The following NECAB1 variants were observed in gnomAD, a reference collection of about 807,000 sequenced individuals.
NECAB1 encodes N-terminal EF-hand calcium binding protein 1, also known as N-terminal EF-hand calcium-binding protein 1.
In NECAB1, 29 loss-of-function variants were observed where a neutral mutation model predicts 57.5. That is an observed-to-expected ratio of 0.50 (90% CI 0.38 to 0.69). The LOEUF is 0.69. Ranked by LOEUF, NECAB1 falls within the 30% of genes least tolerant of loss-of-function variation. The pLI is 0.00. For synonymous variants in NECAB1, 142 were observed against 147.7 expected (o/e 0.96, Z 0.28); for missense variants, 372 against 413.8 (o/e 0.90, Z 0.88).
intron 2 of NECAB1, among the ~76,000 whole-genome samples, chr8:90,812,404 T>C (rs911210676): frequency 2.0e-5 from 3 of 152,196 alleles, no homozygotes; most frequent in Non-Finnish European, 4.4e-5. Flanking sequence ...TAAAATGTTA[T>C]TGTTAATTCT....
chr8:90,842,250 A>C (rs1047366503), intron 3 of NECAB1, among the ~76,000 whole-genome samples: 3 of 152,200 alleles, frequency 2.0e-5, no homozygotes, highest in Non-Finnish European at 4.4e-5. Context: ...ATCATAGACC[A>C]TTGGAAGCCT....
intron 2 of NECAB1, among the ~76,000 whole-genome samples, chr8:90,822,392 A>G (rs1812156571): frequency 1.3e-5 from 2 of 151,884 alleles, no homozygotes; most frequent in African/African-American, 4.8e-5. Context: ...GCAATTGCTT[A>G]TTTAAAAGTG....
chr8:90,808,316 C>T (rs1485271880), intron 2 of NECAB1, among the ~76,000 whole-genome samples: 3 of 152,180 alleles, frequency 2.0e-5, no homozygotes, highest in Non-Finnish European at 2.9e-5. Context: ...TCATCCCAGC[C>T]TTCCTTTCCT....
At chr8:90,949,667 G>GT (rs1810886007) in intron 10 of NECAB1, 140 bp from the exon 11 acceptor site, 5 of 469,710 alleles carry the variant, frequency 1.1e-5, no homozygotes, top group Non-Finnish European at 1.9e-5. Flanking sequence ...TGACAAATCT[G>GT]TTTGATTTTC....
intron 1 of NECAB1, among the ~76,000 whole-genome samples, chr8:90,799,144 T>C (rs1263016493): frequency 6.6e-6 from 1 of 152,190 alleles, no homozygotes; most frequent in Non-Finnish European, 1.5e-5. Flanking sequence ...CACTTCTTAA[T>C]GGGGTTCTTT....
At chr8:90,906,885 A>ATG (rs1563528221) in intron 5 of NECAB1, among the ~76,000 whole-genome samples, 6,896 of 120,826 alleles carry the variant, frequency 0.057, 380 homozygotes, top group East Asian at 0.19. Context: ...ACATATATAT[A>ATG]TATATATATA....
At chr8:90,793,354 T>C (rs1811608471) in intron 1 of NECAB1, among the ~76,000 whole-genome samples, 1 of 152,188 alleles carries the variant, frequency 6.6e-6, no homozygotes, top group African/African-American at 2.4e-5. Flanking sequence ...GTGGCTCCAA[T>C]TGGTGATCCA....
intron 5 of NECAB1, among the ~76,000 whole-genome samples, chr8:90,916,839 G>T (rs1809964824): frequency 6.6e-6 from 1 of 152,166 alleles, no homozygotes; most frequent in African/African-American, 2.4e-5. Context: ...CTGTTTCAGT[G>T]AATGCTGCTT....
rs1292922260 is a variant in NECAB1, at chr8:90,791,861, G to T, written c.-26G>T. 2.0e-6 allele frequency: 3 copies of T among 1,538,064 alleles called. No individual in the cohort carries two copies. The highest frequency in any genetic ancestry group is 2.4e-5 in the East Asian group (1 of 40,824). ...CGGTGCGTCCGCCTAGCCCCGCTCC[G>T]CCTGAGGCCGTCAGGGCTCCCGAGG... On this transcript the variant is annotated 5_prime_UTR_variant, in exon 1 of 13. Coordinates refer to ENST00000417640, the MANE Select transcript of NECAB1 (RefSeq NM_022351.5).
intron 10 of NECAB1, 32 bp downstream of exon 10, chr8:90,940,930 T>G: frequency 1.3e-6 from 2 of 1,488,226 alleles, no homozygotes; most frequent in Non-Finnish European, 1.8e-6. Context: ...CCTTAGGCCT[T>G]TGGCAGCCTG....
intron 5 of NECAB1, among the ~76,000 whole-genome samples, chr8:90,895,676 T>A (rs758644245): frequency 6.6e-6 from 1 of 152,220 alleles, no homozygotes; most frequent in African/African-American, 2.4e-5. Context: ...GAGAAACAGA[T>A]TAGGAAATTC....
At chr8:90,859,387 G>C (rs535093807) in intron 3 of NECAB1, 1 of 152,328 alleles carries the variant, frequency 6.6e-6, no homozygotes, top group East Asian at 1.9e-4. Context: ...TGTCAGCCAG[G>C]AGATGGGAGA....
At chr8:90,833,298 C>A (rs1054123845) in intron 3 of NECAB1, among the ~76,000 whole-genome samples, 2 of 151,938 alleles carry the variant, frequency 1.3e-5, no homozygotes, top group Non-Finnish European at 2.9e-5. Context: ...TTCCTTTAAT[C>A]GTTTGTATTA....
At chr8:90,809,787 TTTTC>T (rs1471504352) in intron 2 of NECAB1, among the ~76,000 whole-genome samples, 1 of 152,190 alleles carries the variant, frequency 6.6e-6, no homozygotes, top group Non-Finnish European at 1.5e-5. Context: ...ATTTCTGTGT[TTTTC>T]TTAATATTCA....
intron 2 of NECAB1, among the ~76,000 whole-genome samples, chr8:90,802,146 G>A (rs977452829): frequency 1.3e-4 from 20 of 152,232 alleles, no homozygotes; most frequent in African/African-American, 4.8e-4. Flanking sequence ...TCTCCACACT[G>A]AGCTTTAACA....
At chr8:90,941,446 G>C (rs1321890407) in intron 10 of NECAB1, among the ~76,000 whole-genome samples, 5 of 152,128 alleles carry the variant, frequency 3.3e-5, no homozygotes, top group African/African-American at 9.7e-5. Context: ...CCCAGCTCAG[G>C]CTTCGGATAT....
intron 7 of NECAB1, 34 bp from the exon 8 acceptor site, chr8:90,928,189 A>G: frequency 6.7e-7 from 1 of 1,493,712 alleles, no homozygotes; most frequent in South Asian, 1.2e-5. Context: ...TCTAAAGTTT[A>G]ACATATTGCC....
chr8:90,906,891 A>ATATATATATATGTATATATATATG lies in NECAB1; in HGVS notation c.358-10590_358-10589insGTATATATATATGTATATATATAT, dbSNP rs1554574080. ...ATGATATACACATATATATATATAT[A>ATATATATATATGTATATATATATG]TATATATATATATATATATCTTCTC... On this transcript the variant is annotated intron_variant, in intron 5 of 12. Coordinates refer to ENST00000417640, the MANE Select transcript of NECAB1 (RefSeq NM_022351.5). Among the ~76,000 whole-genome samples, 264 of 113,394 alleles carry ATATATATATATGTATATATATATG rather than the reference A, an allele frequency of 2.3e-3. 5 individuals are homozygous for ATATATATATATGTATATATATATG. The highest frequency in any genetic ancestry group is 0.01 in the African/African-American group (254 of 24,936). The allele number at this position is 113,394 out of a possible 152,430, so 74.4% of individuals were successfully genotyped here. A position where few individuals can be genotyped will look rare whatever the true frequency, so the allele number is the denominator to read the frequency against.
chr8:90,861,579 C>T (rs182341930), intron 3 of NECAB1, among the ~76,000 whole-genome samples: 44 of 152,104 alleles, frequency 2.9e-4, no homozygotes, highest in Admixed American at 9.2e-4. Context: ...AGTCTCTTAC[C>T]CCTTTGGTCT....
Sources: gnomAD v4.1 joint callset for allele counts (sites outside exome capture counted in the v4.1 genomes callset) on GRCh38, gnomAD v4.1.1 for gene constraint, MANE v1.5 for transcripts, NCBI Gene and HGNC (gene_info 2026-07-23, HGNC 2026-07-21) for gene names.